Variants in MRE11 observed in about 807,000 individuals in gnomAD.
MRE11 encodes the protein double-strand break repair protein MRE11.
In MRE11, 62 loss-of-function variants were observed where a neutral mutation model predicts 91.7. The observed-to-expected ratio is 0.68, with a 90% confidence interval of 0.55 to 0.84. The LOEUF is 0.84. Among genes scored for constraint, MRE11 ranks in the 40% least tolerant of loss-of-function variants. The pLI is 0.00. For missense variants in MRE11, 796 were observed against 852.9 expected (o/e 0.93, Z 0.83); for synonymous variants, 273 against 271.4 (o/e 1.01, Z -0.06).
intron 8 of MRE11, among the ~76,000 whole-genome samples, chr11:94,471,102 T>C (rs769078099): frequency 2.6e-5 from 4 of 152,024 alleles, no homozygotes; most frequent in African/African-American, 4.8e-5. Flanking sequence ...AGAACTCAAG[T>C]GATTCAAAAG....
intron 12 of MRE11, 70 bp from the exon 13 acceptor site, chr11:94,459,651 G>A (rs1009769949): frequency 5.4e-6 from 8 of 1,487,922 alleles, no homozygotes; most frequent in African/African-American, 1.4e-5. Context: ...GATGAGCAAG[G>A]AAAATTACCA....
At chr11:94,469,683 G>A (rs1946656368) in intron 9 of MRE11, among the ~76,000 whole-genome samples, 1 of 152,150 alleles carries the variant, frequency 6.6e-6, no homozygotes, top group Non-Finnish European at 1.5e-5. Context: ...CTAAACTATA[G>A]ATGGTAGAAA....
At chr11:94,501,401 A>C in the MRE11 span, among the ~76,000 whole-genome samples, 2 of 152,228 alleles carry the variant, frequency 1.3e-5, no homozygotes, top group Non-Finnish European at 2.9e-5. Context: ...AACATAGATA[A>C]GCAAAAATCC....
At chr11:94,421,758 T>G (rs1323308955) in intron 19 of MRE11, among the ~76,000 whole-genome samples, 1 of 152,226 alleles carries the variant, frequency 6.6e-6, no homozygotes, top group African/African-American at 2.4e-5. Flanking sequence ...GGCTACAACG[T>G]AGATAAACCT....
intron 11 of MRE11, among the ~76,000 whole-genome samples, 180 bp downstream of exon 11, chr11:94,463,933 T>A (rs1383852107): frequency 6.6e-6 from 1 of 152,138 alleles, no homozygotes; most frequent in Non-Finnish European, 1.5e-5. Context: ...GGTATAATAA[T>A]AATAAAAAAG....
At chr11:94,461,872 G>A (rs951612199) in intron 11 of MRE11, among the ~76,000 whole-genome samples, 17 of 152,078 alleles carry the variant, frequency 1.1e-4, no homozygotes, top group Admixed American at 5.2e-4. Context: ...TCAGGAGATC[G>A]AGACCAACCT....
intron 14 of MRE11, among the ~76,000 whole-genome samples, chr11:94,453,924 TA>T (rs1565216614): frequency 6.6e-6 from 1 of 151,892 alleles, no homozygotes; most frequent in East Asian, 1.9e-4. Context: ...GGGCCATTAA[TA>T]AAAAAACAAA....
chr11:94,460,075 A>T (rs1946375261), intron 12 of MRE11, among the ~76,000 whole-genome samples: 1 of 152,162 alleles, frequency 6.6e-6, no homozygotes, highest in Non-Finnish European at 1.5e-5. Flanking sequence ...AAATGGTTAG[A>T]GAGATACAAC....
chr11:94,461,459 T>C (rs867025583), intron 11 of MRE11, among the ~76,000 whole-genome samples: 2 of 152,198 alleles, frequency 1.3e-5, no homozygotes, highest in Non-Finnish European at 2.9e-5. Context: ...TCGGTATTGA[T>C]GGAACATATC....
chr11:94,497,127 TG>T, upstream of MRE11: 1 of 804,530 alleles, frequency 1.2e-6, no homozygotes, highest in Non-Finnish European at 2.0e-6. Context: ...AGGTATTATT[TG>T]GGGGTTTAAG....
chr11:94,441,030 A>C (rs1367263329), intron 16 of MRE11, among the ~76,000 whole-genome samples: 3 of 152,154 alleles, frequency 2.0e-5, no homozygotes, highest in Non-Finnish European at 4.4e-5. Flanking sequence ...TCTACCCATG[A>C]AGATGCCAAT....
At chr11:94,445,235 C>G (rs1166168000) in intron 16 of MRE11, among the ~76,000 whole-genome samples, 1 of 152,222 alleles carries the variant, frequency 6.6e-6, no homozygotes, top group African/African-American at 2.4e-5. Flanking sequence ...CTTCACTTTC[C>G]TGTTTCCAGG....
At chr11:94,491,001 A>G (rs201715733) in intron 2 of MRE11, 36 bp from the exon 3 acceptor site, 3 of 1,176,068 alleles carry the variant, frequency 2.6e-6, no homozygotes, top group Non-Finnish European at 3.7e-6. Context: ...CAATATATTA[A>G]TAATTCATTA....
chr11:94,501,238 A>G, the MRE11 span, among the ~76,000 whole-genome samples: 3 of 152,174 alleles, frequency 2.0e-5, no homozygotes, highest in Admixed American at 6.5e-5. Flanking sequence ...CCAAAATTTT[A>G]CTTCTCAGAA....
chr11:94,452,776 TTG>T (rs1946144158), intron 14 of MRE11, among the ~76,000 whole-genome samples: 4 of 152,232 alleles, frequency 2.6e-5, no homozygotes, highest in Admixed American at 1.3e-4. Flanking sequence ...CATATACATT[TTG>T]TGAGATTTGA....
Position 94,470,473 on chromosome 11 carries a change from T to A in MRE11, c.1015A>T (p.Lys339Ter), listed in dbSNP as rs984874083. The A allele has an allele frequency of 4.3e-6, 7 of 1,612,490 alleles. No homozygotes were observed. The African/African-American group carries it at 9.4e-5, about 22-fold the overall frequency. ...TQAIQSFCLE[K>*]IEEMLENAER... ...TTGACTTTATCAAAAAGAATTACCT[T>A]CTCCAAACAGAAGCTTTGTATGGCT... is the stretch of plus-strand genomic sequence containing the variant. The change falls in exon 9 of 20, where the codon AAG becomes TAG. Residue 339 changes from lysine to a stop codon, truncating the protein, a stop_gained and splice_region_variant. Transcript: ENST00000323929. LOFTEE classifies it high-confidence loss of function.
At chr11:94,467,765 C>T (rs1946603007) in intron 10 of MRE11, 48 bp downstream of exon 10, 3 of 1,466,530 alleles carry the variant, frequency 2.0e-6, no homozygotes, top group African/African-American at 1.4e-5. Flanking sequence ...CTGTACATTA[C>T]TATGCTTTGA....
intron 13 of MRE11, among the ~76,000 whole-genome samples, chr11:94,458,613 G>A (rs1946326940): frequency 6.6e-6 from 1 of 152,042 alleles, no homozygotes; most frequent in African/African-American, 2.4e-5. Flanking sequence ...GAGTTAAAGG[G>A]TAAATCTTAA....
chr11:94,433,776 TG>T (rs1945526755), intron 18 of MRE11, among the ~76,000 whole-genome samples: 1 of 152,202 alleles, frequency 6.6e-6, no homozygotes, highest in African/African-American at 2.4e-5. Context: ...GTTTTGTAAT[TG>T]CCCAGTCTCG....
Sources: gnomAD v4.1 joint callset for allele counts (sites outside exome capture counted in the v4.1 genomes callset) on GRCh38, gnomAD v4.1.1 for gene constraint, MANE v1.5 for transcripts, NCBI Gene and HGNC (gene_info 2026-07-23, HGNC 2026-07-21) for gene names.